SHISA6: variants seen among roughly 807,000 people sequenced by gnomAD.
SHISA6 encodes the protein shisa family member 6, also known as protein shisa-6.
SHISA6 carries 22 observed loss-of-function variants against 47.9 expected under a neutral mutation model. That is an observed-to-expected ratio of 0.46 (90% confidence interval 0.33 to 0.66). The LOEUF (loss-of-function observed/expected upper bound fraction) is 0.66, where lower values mean the gene tolerates loss of function less well. Among genes scored for constraint, SHISA6 ranks in the 30% least tolerant of loss-of-function variants. The pLI is 0.02. For missense variants in SHISA6, 680 were observed against 764.6 expected (o/e 0.89, Z 1.30); for synonymous variants, 388 against 337.8 (o/e 1.15, Z -1.63).
intron 2 of SHISA6, among the ~76,000 whole-genome samples, chr17:11,364,091 G>A (rs1005762693): frequency 6.6e-6 from 1 of 152,172 alleles, no homozygotes; most frequent in Non-Finnish European, 1.5e-5. Context: ...CCAATTTGGT[G>A]ACTTGCCTGC....
chr17:11,548,265 C>A (rs192360450), intron 3 of SHISA6, among the ~76,000 whole-genome samples: 1 of 152,108 alleles, frequency 6.6e-6, no homozygotes, highest in Non-Finnish European at 1.5e-5. Context: ...AGACACTACA[C>A]GTTTTTATTG....
intron 3 of SHISA6, among the ~76,000 whole-genome samples, chr17:11,403,019 G>A (rs936625757): frequency 1.3e-5 from 2 of 152,176 alleles, no homozygotes; most frequent in Admixed American, 6.5e-5. Flanking sequence ...AAGCACCTTT[G>A]TCATGGAGGA....
chr17:11,337,789 G>T (rs1911375957), intron 2 of SHISA6, among the ~76,000 whole-genome samples: 1 of 152,164 alleles, frequency 6.6e-6, no homozygotes, highest in East Asian at 1.9e-4. Flanking sequence ...GTCTCTAGAG[G>T]ACAAGGAGAC....
intron 3 of SHISA6, among the ~76,000 whole-genome samples, chr17:11,509,586 C>T (rs141064919): frequency 3.6e-4 from 55 of 152,272 alleles, no homozygotes; most frequent in African/African-American, 1.2e-3. Context: ...CCTTGACCTC[C>T]GAACCACCTT....
chr17:11,282,367 G>A (rs1185017822), intron 2 of SHISA6, among the ~76,000 whole-genome samples: 2 of 151,810 alleles, frequency 1.3e-5, no homozygotes, highest in Non-Finnish European at 2.9e-5. Flanking sequence ...GGGCAAGAGA[G>A]CAAAGGATTT....
At chr17:11,440,626 C>T (rs577713918) in intron 3 of SHISA6, among the ~76,000 whole-genome samples, 1 of 146,968 alleles carries the variant, frequency 6.8e-6, no homozygotes, top group African/African-American at 2.5e-5. Context: ...ATTGGATGAT[C>T]CATCATCCAA....
At chr17:11,349,430 C>T (rs756612426) in intron 2 of SHISA6, among the ~76,000 whole-genome samples, 16 of 152,194 alleles carry the variant, frequency 1.1e-4, no homozygotes, top group Admixed American at 8.5e-4. Context: ...TATTTGACAT[C>T]GTTTTCTGTG....
rs142263348 is a variant in SHISA6 at position 11,379,706 on chromosome 17, T to C, written c.895+197T>C. On this transcript the variant is annotated intron_variant, in intron 3 of 5. Coordinates refer to ENST00000441885, the MANE Select transcript of SHISA6 (RefSeq NM_207386.4). ...TCACAGGTGTGACTTTAGAGGGCGA[T>C]AGACTTCCAAGAGACACCCATCCCA... The C allele has an allele frequency of 3.3e-3, 1,445 of 443,948 alleles. 26 individuals carry two copies. The highest frequency in any genetic ancestry group is 0.022 in the Middle Eastern group (47 of 2,112). 27.5% of individuals were successfully genotyped at this position (443,948 alleles called of 1,614,324 possible).
At chr17:11,403,702 A>C (rs1420127959) in intron 3 of SHISA6, among the ~76,000 whole-genome samples, 1 of 152,206 alleles carries the variant, frequency 6.6e-6, no homozygotes, top group Non-Finnish European at 1.5e-5. Context: ...ACTTGACGGC[A>C]CTGGTGGTGG....
intron 2 of SHISA6, among the ~76,000 whole-genome samples, chr17:11,269,763 C>T (rs1908570268): frequency 6.6e-6 from 1 of 151,956 alleles, no homozygotes; most frequent in Non-Finnish European, 1.5e-5. Flanking sequence ...GATTAGCTGG[C>T]CAGAATTATG....
intron 2 of SHISA6, among the ~76,000 whole-genome samples, chr17:11,328,038 G>A (rs938594824): frequency 6.6e-6 from 1 of 151,688 alleles, no homozygotes; most frequent in Non-Finnish European, 1.5e-5. Context: ...TCACTTTTTT[G>A]TGACATTTAC....
At chr17:11,250,650 G>C (rs1907766402) in intron 1 of SHISA6, among the ~76,000 whole-genome samples, 1 of 152,186 alleles carries the variant, frequency 6.6e-6, no homozygotes, top group African/African-American at 2.4e-5. Context: ...CTGCCCCCAT[G>C]CATAGGCCGG....
intron 3 of SHISA6, among the ~76,000 whole-genome samples, chr17:11,524,497 TTTTTTC>T (rs1004960423): frequency 4.0e-5 from 6 of 148,758 alleles, no homozygotes; most frequent in African/African-American, 1.0e-4. Flanking sequence ...TTCTTTTTTC[TTTTTTC>T]TTTTTTTTTT....
intron 3 of SHISA6, among the ~76,000 whole-genome samples, chr17:11,544,820 G>A (rs565301349): frequency 3.9e-5 from 6 of 151,994 alleles, no homozygotes; most frequent in Non-Finnish European, 5.9e-5. Flanking sequence ...AATTAGCCAA[G>A]TGTGGTGGCA....
At chr17:11,464,742 A>C (rs1282911410) in intron 3 of SHISA6, among the ~76,000 whole-genome samples, 1 of 152,204 alleles carries the variant, frequency 6.6e-6, no homozygotes, top group African/African-American at 2.4e-5. Flanking sequence ...CAGGAGTTCG[A>C]GACCAGCCTG....
intron 3 of SHISA6, among the ~76,000 whole-genome samples, chr17:11,441,103 T>G (rs571307047): frequency 6.6e-5 from 10 of 152,260 alleles, no homozygotes; most frequent in African/African-American, 2.2e-4. Context: ...AAAAACCTTC[T>G]TCCCTCCATG....
intron 2 of SHISA6, among the ~76,000 whole-genome samples, chr17:11,355,281 G>A (rs8072999): frequency 6.6e-6 from 1 of 152,114 alleles, no homozygotes; most frequent in African/African-American, 2.4e-5. Context: ...AACTGAAGTC[G>A]TATTCCGAAA....
intron 3 of SHISA6, among the ~76,000 whole-genome samples, chr17:11,430,500 T>C (rs1221580202): frequency 6.6e-6 from 1 of 152,174 alleles, no homozygotes; most frequent in East Asian, 1.9e-4. Flanking sequence ...TTTTGTTGTT[T>C]GGAGTCATGG....
At chr17:11,394,439 G>A (rs1404585100) in intron 3 of SHISA6, among the ~76,000 whole-genome samples, 2 of 152,110 alleles carry the variant, frequency 1.3e-5, no homozygotes, top group East Asian at 1.9e-4. Context: ...GTCAAAGTTG[G>A]TGCCCCTTTA....
Sources: gnomAD v4.1 joint callset for allele counts (sites outside exome capture counted in the v4.1 genomes callset) on GRCh38, gnomAD v4.1.1 for gene constraint, MANE v1.5 for transcripts, NCBI Gene and HGNC (gene_info 2026-07-23, HGNC 2026-07-21) for gene names.